Variants in CDK11A observed in about 807,000 individuals in gnomAD.
The protein encoded by CDK11A is cyclin dependent kinase 11A.
In CDK11A, 55 loss-of-function variants were observed where a neutral mutation model predicts 83.6. The observed-to-expected ratio is 0.66, with a 90% CI of 0.53 to 0.82. The LOEUF (loss-of-function observed/expected upper bound fraction) is 0.82. Ranked by LOEUF, CDK11A falls within the 40% of genes least tolerant of loss-of-function variation. The pLI is 0.00. For synonymous variants in CDK11A, 247 were observed against 302.7 expected, an observed-to-expected ratio of 0.82 and a Z score of 1.91; for missense variants, 564 against 810.1, an observed-to-expected ratio of 0.70 and a Z score of 3.69.
chr1:1,718,803 A>T (rs1644782275), intron 4 of CDK11A, among the ~76,000 whole-genome samples: 1 of 149,420 alleles, frequency 6.7e-6, no homozygotes, highest in Non-Finnish European at 1.5e-5. Flanking sequence ...CGCCCGGCTA[A>T]TTTTTTGTAT....
At chr1:1,703,752 T>A in intron 17 of CDK11A, 72 bp downstream of exon 17, 1 of 1,580,154 alleles carries the variant, frequency 6.3e-7, no homozygotes, top group Non-Finnish European at 8.6e-7. Flanking sequence ...ACCCAGCACC[T>A]GTGCGCCCCG....
chr1:1,719,544 T>C (rs1644819932), intron 3 of CDK11A, 89 bp from the exon 4 acceptor site: 1 of 1,098,970 alleles, frequency 9.1e-7, no homozygotes, highest in East Asian at 3.0e-5. Flanking sequence ...CCCAGAAAAA[T>C]GCATGATTCA....
Position 1,704,291 on chromosome 1 carries a change from C to T in CDK11A, c.1618G>A (p.Asp540Asn), listed in dbSNP as rs372429949. The change falls in exon 15 of 20, where the codon GAC becomes AAC. Residue 540 changes from aspartate (D) to asparagine (N), a missense_variant. Asp to Asn is a conservative substitution (Grantham distance 23). This residue lies in a region of CDK11A where 361 missense variants were observed against 402.7 expected (regional missense o/e 0.90). Coordinates refer to ENST00000404249, the MANE Select transcript of CDK11A (RefSeq NM_024011.4). ...AGGTCACGGTGCAGGATCCAGTTGT[C>T]GTGCAGGTGTTTCACCCCCCGCAGC... ...QLLRGVKHLH[D>N]NWILHRDLKT... The T allele has an allele frequency of 3.3e-4, 525 of 1,607,712 alleles. 26 individuals are homozygous for T. The highest frequency in any genetic ancestry group is 7.3e-4 in the Middle Eastern group (4 of 5,478).
intron 12 of CDK11A, 26 bp from the exon 13 acceptor site, chr1:1,705,051 G>A (rs1281207806): frequency 1.3e-6 from 2 of 1,585,702 alleles, no homozygotes; most frequent in East Asian, 2.3e-5. Context: ...AGACGGCACT[G>A]AGAGGCATTC....
chr1:1,718,463 T>C (rs1228085575), intron 4 of CDK11A, among the ~76,000 whole-genome samples: 1 of 148,904 alleles, frequency 6.7e-6, no homozygotes, highest in East Asian at 2.0e-4. Context: ...ACACGCACGC[T>C]TTCAGCTAGA....
chr1:1,703,934 A>G lies in CDK11A; in HGVS notation c.1801T>C (p.Ser601Pro). 2 of 1,609,582 alleles carry G rather than the reference A, an allele frequency of 1.2e-6. No individual in the cohort carries two copies. The highest frequency in any genetic ancestry group is 1.7e-6 in the Non-Finnish European group (2 of 1,176,904). Reference protein sequence around the residue: ...PELLLGAKEYSTAVDMWSVGC... With the variant: ...PELLLGAKEYPTAVDMWSVGC... ...ACTGACCACATGTCCACGGCCGTGG[A>G]GTATTCCTAAGACGCCAGGAGAGGT... Residue 601 changes from serine (S) to proline (P), a missense_variant, in exon 17 of 20, where the codon TCC becomes CCC. Ser to Pro is a moderately conservative substitution (Grantham distance 74, BLOSUM62 -1). Coordinates refer to ENST00000404249, the MANE Select transcript of CDK11A (RefSeq NM_024011.4).
rs200893920 is a variant in CDK11A, at chr1:1,714,435, C to T, written c.488+1911G>A. On this transcript the variant is annotated intron_variant, in intron 5 of 19. Transcript: ENST00000404249. ...CTACTGATGATGTTCTTCCTCAGTA[C>T]GGGTCACACTGTCATACTTCTTTGT... is the stretch of plus-strand genomic sequence containing the variant. 2.7e-4 allele frequency among the ~76,000 whole-genome samples: 14 copies of T among 50,978 alleles called. 5 individuals carry two copies. The highest frequency in any genetic ancestry group is 1.0e-3 in the South Asian group (2 of 1,974). The allele number at this position is 50,978 out of a possible 152,430, so 33.4% of individuals were successfully genotyped here.
In CDK11A at chr1:1,703,922, C is replaced by G; in HGVS notation, c.1813G>C (p.Asp605His). 6.2e-7 allele frequency: 1 copy of G among 1,609,674 alleles called. No homozygotes were observed. Among genetic ancestry groups the G allele is most frequent in the South Asian group, 1.1e-5 (1 of 90,790 alleles). ...AAGATGCAGCCCACTGACCACATGT[C>G]CACGGCCGTGGAGTATTCCTAAGAC... Reference protein sequence around the residue: ...LGAKEYSTAVDMWSVGCIFGE... With the variant: ...LGAKEYSTAVHMWSVGCIFGE... The change falls in exon 17 of 20, where the codon GAC (aspartate) becomes CAC (histidine). Residue 605 changes from aspartate (D) to histidine (H), a missense_variant. By Grantham distance (81) the Asp-to-His change is moderately conservative. This residue lies in a region of CDK11A where 361 missense variants were observed against 402.7 expected (regional missense o/e 0.90). Coordinates refer to ENST00000404249, the MANE Select transcript of CDK11A (RefSeq NM_024011.4).
At chr1:1,708,475 G>T (rs1570392171) in intron 9 of CDK11A, among the ~76,000 whole-genome samples, 1 of 137,250 alleles carries the variant, frequency 7.3e-6, no homozygotes. Context: ...ACCCCGTCTC[G>T]ACTAAAAATA....
chr1:1,716,069 C>T lies in CDK11A; in HGVS notation c.488+277G>A, dbSNP rs573664930. Among the ~76,000 whole-genome samples, 6 of 150,752 alleles carry T rather than the reference C, an allele frequency of 4.0e-5. 1 individual carries two copies. Among genetic ancestry groups the T allele is most frequent in the Non-Finnish European group, 8.9e-5 (6 of 67,604 alleles). On this transcript the variant is annotated intron_variant, in intron 5 of 19. Transcript: ENST00000404249. ...AGCCTCGTAAGTGCTGGAATTCTAG[C>T]GTGAGCCACTGCGCCCGGCGGGACG...
intron 2 of CDK11A, among the ~76,000 whole-genome samples, chr1:1,722,068 G>T (rs1644926301): frequency 6.6e-6 from 1 of 150,874 alleles, no homozygotes; most frequent in African/African-American, 2.4e-5. Flanking sequence ...GGAGAATGGT[G>T]TGAACCTGGC....
Position 1,702,815 on chromosome 1 carries a change from G to C in CDK11A, c.*92C>G. 2.6e-6 allele frequency: 1 copy of C among 390,448 alleles called. No homozygotes were observed. The allele number at this position is 390,448 out of a possible 1,614,324, so 24.2% of individuals were successfully genotyped here. On this transcript the variant is annotated 3_prime_UTR_variant, in exon 20 of 20. Transcript: ENST00000404249. ...CAAAACATGGAGCACAAAGTAAGAC[G>C]AGGAGTTCCGAGTCTCATCGCAGCT...
At chr1:1,719,193 T>C in intron 4 of CDK11A, 135 bp downstream of exon 4, 1 of 757,542 alleles carries the variant, frequency 1.3e-6, no homozygotes, top group Non-Finnish European at 2.0e-6. Flanking sequence ...CTGAACGGTC[T>C]GTGACACCAT....
intron 6 of CDK11A, among the ~76,000 whole-genome samples, chr1:1,710,708 C>T (rs1644468428): frequency 6.6e-6 from 1 of 150,540 alleles, no homozygotes; most frequent in African/African-American, 2.4e-5. Flanking sequence ...ACCTTCAGTT[C>T]CTCAGAGAAC....
rs370345461 is a variant in CDK11A, at chr1:1,721,580, C to G, written c.227+16G>C. ...CTGTGTACAGTTGGGTCTTGCACATCTGTACATCCGCTCACCTGTCTTCCA... is the reference window on the plus strand; with the variant it reads ...CTGTGTACAGTTGGGTCTTGCACATGTGTACATCCGCTCACCTGTCTTCCA... On this transcript the variant is annotated intron_variant, in intron 3 of 19. Coordinates refer to ENST00000404249, the MANE Select transcript of CDK11A (RefSeq NM_024011.4). The G allele has an allele frequency of 4.8e-4, 776 of 1,603,874 alleles. 30 individuals are homozygous for G. Among genetic ancestry groups the G allele is most frequent in the Non-Finnish European group, 6.0e-4 (702 of 1,172,730 alleles).
At position 1,702,702 on chromosome 1, in the gene CDK11A, C is replaced by T; in HGVS notation, c.*205G>A. On this transcript the variant is annotated 3_prime_UTR_variant, in exon 20 of 20. Transcript: ENST00000404249. ...CCCCACGTGGGCACCCGAAGATGCC[C>T]TGGCAAGTCACGGAGAAAACACAGC... 3 of 630,960 alleles carry T rather than the reference C, an allele frequency of 4.8e-6. No individual in the cohort carries two copies. The highest frequency in any genetic ancestry group is 8.4e-6 in the Non-Finnish European group (3 of 358,008). 39.1% of individuals were successfully genotyped at this position (630,960 alleles called of 1,614,324 possible). A position where few individuals can be genotyped will look rare whatever the true frequency, so the allele number is the denominator to read the frequency against.
rs1278891145 is a variant in CDK11A at position 1,702,778 on chromosome 1, A to G, written c.*129T>C. The G allele has an allele frequency of 2.0e-5, 11 of 553,806 alleles. 1 individual carries two copies. Among genetic ancestry groups the G allele is most frequent in the Non-Finnish European group, 3.3e-5 (10 of 304,904 alleles). 34.3% of individuals were successfully genotyped at this position (553,806 alleles called of 1,614,324 possible). ...ATTTAATTCTACAAATTTACAAACCAAAATACAAAAACAAAACATGGAGCA... is the reference window on the plus strand; with the variant it reads ...ATTTAATTCTACAAATTTACAAACCGAAATACAAAAACAAAACATGGAGCA... On this transcript the variant is annotated 3_prime_UTR_variant, in exon 20 of 20. Transcript: ENST00000404249.
chr1:1,721,995 C>A, intron 2 of CDK11A: 2 of 286,888 alleles, frequency 7.0e-6, no homozygotes, highest in South Asian at 7.6e-5. Flanking sequence ...ACTAAAAATA[C>A]AAAAAATTAG....
rs777216116 is a variant in CDK11A at position 1,703,842 on chromosome 1, C to T, written c.1893G>A (p.Gln631=). 2.5e-6 allele frequency: 4 copies of T among 1,609,702 alleles called. No homozygotes were observed. Among genetic ancestry groups the T allele is most frequent in the Non-Finnish European group, 3.4e-6 (4 of 1,176,998 alleles). The change falls in exon 17 of 20, where the codon CAG becomes CAA. Residue 631 remains glutamine (Q), a synonymous_variant. Coordinates refer to ENST00000404249, the MANE Select transcript of CDK11A (RefSeq NM_024011.4). ...PLFPGNSEID[Q]INKVFKELGT... is the part of the protein sequence containing the mutation. ...GACCCACCTTGAACACTTTGTTGAT[C>T]TGATCGATTTCCGAATTCCCGGGGA... is the stretch of plus-strand genomic sequence containing the variant.
Sources: gnomAD v4.1 joint callset for allele counts (sites outside exome capture counted in the v4.1 genomes callset) on GRCh38, gnomAD v4.1.1 for gene constraint, gnomAD v4.1.1 regional missense constraint, MANE v1.5 for transcripts, NCBI Gene and HGNC (gene_info 2026-07-23, HGNC 2026-07-21) for gene names.